Variants in GALNT18 observed in about 807,000 individuals in gnomAD.
GALNT18 encodes GalNAc-transferase 18.
In GALNT18, 44 loss-of-function variants were observed where a neutral mutation model predicts 69.5. The ratio of observed to expected loss-of-function variants is 0.63; its 90% CI spans 0.50 to 0.81. The LOEUF (loss-of-function observed/expected upper bound fraction) is 0.81, where lower values mean the gene tolerates loss of function less well. Ranked by LOEUF, GALNT18 falls within the 40% of genes least tolerant of loss-of-function variation. The pLI is 0.00. For missense variants in GALNT18, 715 were observed against 810.0 expected, an observed-to-expected ratio of 0.88 and a Z score of 1.42; for synonymous variants, 364 against 318.2, an observed-to-expected ratio of 1.14 and a Z score of -1.53.
chr11:11,301,236 G>T (rs1849489274), intron 9 of GALNT18, among the ~76,000 whole-genome samples: 1 of 152,222 alleles, frequency 6.6e-6, no homozygotes, highest in South Asian at 2.1e-4. Context: ...CGGGAAGAAG[G>T]AAGGGAGCCT....
At position 11,602,191 on chromosome 11, in the gene GALNT18, A is replaced by C. The variant is rs143629311; in HGVS notation, c.235+19168T>G. Among the ~76,000 whole-genome samples, 382 of 152,304 alleles carry C rather than the reference A, an allele frequency of 2.5e-3. 3 individuals carry two copies. The highest frequency in any genetic ancestry group is 8.6e-3 in the African/African-American group (356 of 41,566). ...CCCAGAGTGACATCCCTGCTGTATG[A>C]GTAGGGTGCTGGGTGGAGATGGTAG... is the stretch of plus-strand genomic sequence containing the variant. On this transcript the variant is annotated intron_variant, in intron 1 of 10. Transcript: ENST00000227756. This position sits in a 1 kb window ranked among gnomAD's most constrained non-coding sequence, Gnocchi z 4.7.
At position 11,470,134 on chromosome 11, in the gene GALNT18, G is replaced by A. The variant is rs773844874; in HGVS notation, c.236-21198C>T. Among the ~76,000 whole-genome samples, 2 of 152,190 alleles carry A rather than the reference G, an allele frequency of 1.3e-5. No individual in the cohort carries two copies. Among genetic ancestry groups the A allele is most frequent in the Middle Eastern group, 3.2e-3 (1 of 316 alleles). Reference sequence around the variant, plus strand: ...ATGGTTTTGAAGCTGTGACCAAGATGTTTCCCTGCCTTGAGAAGTCTCACA... The same window carrying A: ...ATGGTTTTGAAGCTGTGACCAAGATATTTCCCTGCCTTGAGAAGTCTCACA... On this transcript the variant is annotated intron_variant, in intron 1 of 10. Coordinates refer to ENST00000227756, the MANE Select transcript of GALNT18 (RefSeq NM_198516.3). The surrounding 1 kb of genome is among the most constrained non-coding windows in gnomAD (Gnocchi z 4.8).
At chr11:11,287,600 A>C (rs989811873) in intron 10 of GALNT18, among the ~76,000 whole-genome samples, 3 of 152,190 alleles carry the variant, frequency 2.0e-5, no homozygotes, top group Non-Finnish European at 4.4e-5. Context: ...CTCAGTACGA[A>C]GGCTACTCTC....
chr11:11,451,386 A>G (rs1342210449), intron 1 of GALNT18, among the ~76,000 whole-genome samples: 1 of 152,226 alleles, frequency 6.6e-6, no homozygotes, highest in African/African-American at 2.4e-5. Flanking sequence ...AGATCAGTTA[A>G]TGGAAAATTA....
At chr11:11,395,680 A>G (rs1460555638) in intron 3 of GALNT18, among the ~76,000 whole-genome samples, 1 of 152,206 alleles carries the variant, frequency 6.6e-6, no homozygotes, top group Non-Finnish European at 1.5e-5. Flanking sequence ...TGCAGAGCGG[A>G]GGTAATGATG....
At position 11,377,225 on chromosome 11, in the gene GALNT18, G is replaced by A. The variant is rs1172488552; in HGVS notation, c.934C>T (p.Pro312Ser). 2.5e-6 allele frequency: 4 copies of A among 1,613,688 alleles called. No individual in the cohort carries two copies. Among genetic ancestry groups the A allele is most frequent in the Non-Finnish European group, 3.4e-6 (4 of 1,180,024 alleles). The change falls in exon 5 of 11, where the codon CCC becomes TCC. Residue 312 changes from proline to serine, a missense_variant. By Grantham distance (74) the Pro-to-Ser change is moderately conservative. Transcript: ENST00000227756. The surrounding 1 kb of genome is among the most constrained non-coding windows in gnomAD (Gnocchi z 4.6). Reference protein sequence around the residue: ...WELWCRYLNPPKAWWKLENST... With the variant: ...WELWCRYLNPSKAWWKLENST... ...TTCTCCAGCTTCCACCAGGCCTTGG[G>A]GGGATTTAGGTAGCGGCACCACAGC...
intron 2 of GALNT18, among the ~76,000 whole-genome samples, chr11:11,446,795 A>G (rs1855663453): frequency 6.6e-6 from 1 of 152,192 alleles, no homozygotes; most frequent in Non-Finnish European, 1.5e-5. Context: ...AATCTGCTCA[A>G]GCCCTTCCCA....
intron 10 of GALNT18, among the ~76,000 whole-genome samples, chr11:11,274,174 C>T (rs1023357551): frequency 2.7e-4 from 41 of 152,344 alleles, no homozygotes; most frequent in African/African-American, 7.0e-4. Context: ...GCTTTTCCCA[C>T]GGTCTTTGCA....
At position 11,396,054 on chromosome 11, in the gene GALNT18, AC is replaced by A. The variant is rs1393268374; in HGVS notation, c.596-16791del. ...TTTTCCTGGGGTACAGCTGAGCCTT[AC>A]CCAGCAACAACCACTTCCCTCTGTT... On this transcript the variant is annotated intron_variant, in intron 3 of 10. Transcript: ENST00000227756. This position sits in a 1 kb window ranked among gnomAD's most constrained non-coding sequence, Gnocchi z 5.2. Among the ~76,000 whole-genome samples, 10 of 152,284 alleles carry A rather than the reference AC, an allele frequency of 6.6e-5. No homozygotes were observed. The highest frequency in any genetic ancestry group is 1.5e-5 in the Non-Finnish European group (1 of 68,026).
chr11:11,483,183 A>T (rs1856570732), intron 1 of GALNT18, among the ~76,000 whole-genome samples: 1 of 151,960 alleles, frequency 6.6e-6, no homozygotes, highest in Non-Finnish European at 1.5e-5. Flanking sequence ...CCTTGCCTCT[A>T]TGCCTGCTGC....
Position 11,332,550 on chromosome 11 carries a change from G to T in GALNT18, c.1416+144C>A. The T allele has an allele frequency of 2.5e-6, 2 of 808,336 alleles. No homozygotes were observed. The highest frequency in any genetic ancestry group is 1.8e-5 in the South Asian group (1 of 56,334). 50.1% of individuals were successfully genotyped at this position (808,336 alleles called of 1,614,324 possible). A position where few individuals can be genotyped will look rare whatever the true frequency, so the allele number is the denominator to read the frequency against. On this transcript the variant is annotated intron_variant, in intron 8 of 10. Coordinates refer to ENST00000227756, the MANE Select transcript of GALNT18 (RefSeq NM_198516.3). The surrounding 1 kb of genome is among the most constrained non-coding windows in gnomAD (Gnocchi z 4.3). ...CTGTAAAAGTAAAGGCTGTCTTGCA[G>T]GTGCAGAACCCAGCGCCCGGTCCCC...
In GALNT18 at chr11:11,275,275, T is replaced by G. The variant is rs1848918615; in HGVS notation, c.1678-3985A>C. Among the ~76,000 whole-genome samples, 2 of 152,258 alleles carry G rather than the reference T, an allele frequency of 1.3e-5. 1 individual carries two copies. Among genetic ancestry groups the G allele is most frequent in the South Asian group, 4.1e-4 (2 of 4,836 alleles). ...GATGGTATCTCATTGCGGTTTTGAT[T>G]TGCATTTCTCTAATGACCAGAGATA... On this transcript the variant is annotated intron_variant, in intron 10 of 10. Coordinates refer to ENST00000227756, the MANE Select transcript of GALNT18 (RefSeq NM_198516.3).
intron 1 of GALNT18, among the ~76,000 whole-genome samples, chr11:11,451,195 G>A (rs1249334491): frequency 1.3e-5 from 2 of 152,126 alleles, no homozygotes; most frequent in African/African-American, 4.8e-5. Context: ...TGCTTGAAGG[G>A]TAGCACAAGC....
At chr11:11,539,537 A>C (rs966424787) in intron 1 of GALNT18, among the ~76,000 whole-genome samples, 1 of 152,166 alleles carries the variant, frequency 6.6e-6, no homozygotes, top group Non-Finnish European at 1.5e-5. Flanking sequence ...CCAGGAGGAG[A>C]TTCACCCCTG....
chr11:11,274,296 T>G (rs923964700), intron 10 of GALNT18, among the ~76,000 whole-genome samples: 1 of 152,128 alleles, frequency 6.6e-6, no homozygotes, highest in Non-Finnish European at 1.5e-5. Context: ...TTTGTTTTTG[T>G]TTTTTTCTCA....
chr11:11,357,097 G>A (rs573656385), intron 6 of GALNT18, among the ~76,000 whole-genome samples: 91 of 152,120 alleles, frequency 6.0e-4, no homozygotes, highest in Middle Eastern at 6.8e-3. Context: ...TTGGGGTACC[G>A]AAATGTCCTT....
chr11:11,541,473 T>C lies in GALNT18; in HGVS notation c.235+79886A>G, dbSNP rs1693598980. Among the ~76,000 whole-genome samples, 1 of 152,280 alleles carries C rather than the reference T, an allele frequency of 6.6e-6. No individual in the cohort carries two copies. The highest frequency in any genetic ancestry group is 1.9e-4 in the East Asian group (1 of 5,174). On this transcript the variant is annotated intron_variant, in intron 1 of 10. Transcript: ENST00000227756. This position sits in a 1 kb window ranked among gnomAD's most constrained non-coding sequence, Gnocchi z 4.8. ...CACCTTCCACCTGTAGTTGGGGTGA[T>C]CTTTCTAGACCACAAACCTCGTCAT...
rs1282905011 is a variant in GALNT18 at position 11,356,888 on chromosome 11, T to G, written c.1092+15627A>C. ...GGATTAATTTTGCACTTATCTTCAC[T>G]AACCATAAAACTTTTACAACGTACT... On this transcript the variant is annotated intron_variant, in intron 6 of 10. Transcript: ENST00000227756. The surrounding 1 kb of genome is among the most constrained non-coding windows in gnomAD (Gnocchi z 4.4). Among the ~76,000 whole-genome samples the G allele has an allele frequency of 6.6e-6, 1 of 152,208 alleles. No individual in the cohort carries two copies. Among genetic ancestry groups the G allele is most frequent in the Non-Finnish European group, 1.5e-5 (1 of 68,044 alleles).
In GALNT18 at chr11:11,487,863, C is replaced by T. The variant is rs117008080; in HGVS notation, c.236-38927G>A. 1.3e-4 allele frequency among the ~76,000 whole-genome samples: 20 copies of T among 152,340 alleles called. No individual in the cohort carries two copies. In the East Asian group the frequency reaches 3.9e-3, roughly 29 times the overall value. The stretch of plus-strand genomic sequence containing the variant: ...AGACAGAGACAACCAAGAGCTGAAT[C>T]CTGACTTCTTGAACACTGCCTGCCC... On this transcript the variant is annotated intron_variant, in intron 1 of 10. Coordinates refer to ENST00000227756, the MANE Select transcript of GALNT18 (RefSeq NM_198516.3).
Sources: gnomAD v4.1 joint callset for allele counts (sites outside exome capture counted in the v4.1 genomes callset) on GRCh38, gnomAD v4.1.1 for gene constraint, Gnocchi (gnomAD v3.1) non-coding constraint, MANE v1.5 for transcripts, NCBI Gene and HGNC (gene_info 2026-07-23, HGNC 2026-07-21) for gene names.